Variants in TMCO4 observed in about 807,000 individuals in gnomAD.
TMCO4 encodes transmembrane and coiled-coil domains 4, also known as transmembrane and coiled-coil domain-containing protein 4.
Under a neutral mutation model 64.7 loss-of-function variants are expected in TMCO4, and 58 were observed. That is an observed-to-expected ratio of 0.90 (90% confidence interval 0.73 to 1.12). The LOEUF (loss-of-function observed/expected upper bound fraction) is 1.12. Ranked by LOEUF, TMCO4 falls within the 50% of genes most tolerant of loss-of-function variation. TMCO4 has a pLI of 0.00. For synonymous variants in TMCO4, 325 were observed against 346.1 expected (o/e 0.94, Z 0.68); for missense variants, 780 against 825.9 (o/e 0.94, Z 0.68).
intron 13 of TMCO4, among the ~76,000 whole-genome samples, chr1:19,705,338 C>T (rs2095296744): frequency 6.6e-6 from 1 of 152,024 alleles, no homozygotes; most frequent in African/African-American, 2.4e-5. Flanking sequence ...GTAGTCCCAG[C>T]TACTCGGAAG....
intron 13 of TMCO4, among the ~76,000 whole-genome samples, chr1:19,702,519 C>T (rs555439488): frequency 6.6e-5 from 10 of 152,176 alleles, no homozygotes; most frequent in South Asian, 2.1e-4. Flanking sequence ...TGCTTGAGCC[C>T]GGAGGCAGAG....
intron 14 of TMCO4, among the ~76,000 whole-genome samples, chr1:19,700,454 G>A (rs796884342): frequency 2.2e-4 from 33 of 152,214 alleles, no homozygotes; most frequent in African/African-American, 7.7e-4. Flanking sequence ...TGTTCCACTC[G>A]CCCATGTCCC....
At chr1:19,784,845 T>TAAAAAA (rs34693780) in intron 3 of TMCO4, among the ~76,000 whole-genome samples, 1 of 97,864 alleles carries the variant, frequency 1.0e-5, no homozygotes, top group Non-Finnish European at 1.9e-5. Context: ...GCTGATGCAC[T>TAAAAAA]AAAAAAAAAA....
chr1:19,719,120 G>A (rs1294113710), intron 13 of TMCO4, among the ~76,000 whole-genome samples: 3 of 152,172 alleles, frequency 2.0e-5, no homozygotes, highest in Non-Finnish European at 4.4e-5. Context: ...AATCAGGCAG[G>A]CACCTTATAA....
chr1:19,797,579 G>C (rs2044369862), intron 2 of TMCO4, among the ~76,000 whole-genome samples: 1 of 152,006 alleles, frequency 6.6e-6, no homozygotes, highest in Non-Finnish European at 1.5e-5. Context: ...TTAAGAAAGT[G>C]GGAAGCCAAG....
Position 19,700,744 on chromosome 1 carries a change from C to T in TMCO4, c.1382+24G>A, listed in dbSNP as rs79496233. On this transcript the variant is annotated intron_variant, in intron 14 of 15. Coordinates refer to ENST00000294543, the MANE Select transcript of TMCO4 (RefSeq NM_181719.7). ...TGCTCCGTAAGCATTGTCACTTCCC[C>T]GCTGGCACGAGGTTTGGACAGACCT... 9.9e-3 allele frequency: 15,838 copies of T among 1,595,712 alleles called. 124 individuals are homozygous for T. The highest frequency in any genetic ancestry group is 0.037 in the East Asian group (1,655 of 44,756).
intron 7 of TMCO4, among the ~76,000 whole-genome samples, chr1:19,755,182 G>T (rs868252231): frequency 5.3e-5 from 8 of 152,198 alleles, no homozygotes; most frequent in African/African-American, 1.9e-4. Flanking sequence ...CTGGAGTGCA[G>T]TGGCACAATC....
intron 15 of TMCO4, among the ~76,000 whole-genome samples, chr1:19,688,894 C>T (rs983174680): frequency 6.6e-6 from 1 of 152,212 alleles, no homozygotes; most frequent in Non-Finnish European, 1.5e-5. Context: ...AGAATCTTGC[C>T]GTGGGTTGGA....
At chr1:19,684,958 C>T (rs938874833) in intron 15 of TMCO4, among the ~76,000 whole-genome samples, 4 of 152,188 alleles carry the variant, frequency 2.6e-5, no homozygotes, top group Non-Finnish European at 4.4e-5. Context: ...TCCTTGAAGA[C>T]TGTGGAGTGG....
chr1:19,765,445 ACC>A (rs56132203), intron 6 of TMCO4, among the ~76,000 whole-genome samples: 92,400 of 151,902 alleles, frequency 0.61, 29,544 homozygotes, highest in African/African-American at 0.82. Flanking sequence ...GACATTGGCA[ACC>A]TAGAGGACAT....
intron 6 of TMCO4, among the ~76,000 whole-genome samples, chr1:19,761,865 G>T (rs953000988): frequency 3.3e-5 from 5 of 152,204 alleles, no homozygotes; most frequent in African/African-American, 1.2e-4. Context: ...ATGCCTGGAG[G>T]CAGAGCGTGA....
intron 3 of TMCO4, among the ~76,000 whole-genome samples, 187 bp from the exon 4 acceptor site, chr1:19,780,953 A>AATAT (rs1019316586): frequency 5.3e-5 from 8 of 152,298 alleles, no homozygotes; most frequent in Admixed American, 2.6e-4. Flanking sequence ...AGGGATCTTC[A>AATAT]ATATGTCTAT....
At chr1:19,692,817 G>A (rs1557456132) in intron 15 of TMCO4, among the ~76,000 whole-genome samples, 1 of 151,980 alleles carries the variant, frequency 6.6e-6, no homozygotes, top group Non-Finnish European at 1.5e-5. Context: ...TGTCCACATG[G>A]GAAGCTATTA....
chr1:19,763,646 G>C (rs1570943452), intron 6 of TMCO4, among the ~76,000 whole-genome samples: 1 of 152,180 alleles, frequency 6.6e-6, no homozygotes, highest in East Asian at 1.9e-4. Context: ...ACACCTCACA[G>C]GTCACATTCA....
chr1:19,745,683 G>A (rs2041741890), intron 9 of TMCO4, 32 bp from the exon 10 acceptor site: 2 of 1,578,932 alleles, frequency 1.3e-6, no homozygotes, highest in Non-Finnish European at 1.7e-6. Flanking sequence ...AGAGAATGGA[G>A]GTGACTGGGG....
At chr1:19,770,087 C>T (rs941400045) in intron 6 of TMCO4, among the ~76,000 whole-genome samples, 3 of 152,180 alleles carry the variant, frequency 2.0e-5, no homozygotes, top group African/African-American at 7.2e-5. Flanking sequence ...CTCCTGAGTG[C>T]AGAGGGAGCC....
In TMCO4 at chr1:19,764,716, G is replaced by A. The variant is rs139024290; in HGVS notation, c.382+5826C>T. ...AAAAATACACAAAAATTAGCCAGGC[G>A]TGGTGGCACATGCCTGTAATCCCGG... is the stretch of plus-strand genomic sequence containing the variant. On this transcript the variant is annotated intron_variant, in intron 6 of 15. Coordinates refer to ENST00000294543, the MANE Select transcript of TMCO4 (RefSeq NM_181719.7). 1.5e-3 allele frequency among the ~76,000 whole-genome samples: 224 copies of A among 152,178 alleles called. 6 individuals are homozygous for A. In the East Asian group the frequency reaches 0.039, roughly 26 times the overall value.
chr1:19,717,760 GCTC>G lies in TMCO4; in HGVS notation c.1265-16878_1265-16876del, dbSNP rs944009680. Among the ~76,000 whole-genome samples the G allele has an allele frequency of 3.9e-3, 597 of 152,278 alleles. 2 individuals carry two copies. The highest frequency in any genetic ancestry group is 0.014 in the African/African-American group (561 of 41,546). ...CCCTCCCTGCCTTCTGGAAGGAAAGGCTCCTCCTTTGAACTGCTGCAGCCCTTA... is the reference window on the plus strand; with the variant it reads ...CCCTCCCTGCCTTCTGGAAGGAAAGGCTCCTTTGAACTGCTGCAGCCCTTA... On this transcript the variant is annotated intron_variant, in intron 13 of 15. Coordinates refer to ENST00000294543, the MANE Select transcript of TMCO4 (RefSeq NM_181719.7).
chr1:19,701,113 T>G (rs1265603684), intron 13 of TMCO4: 1 of 460,034 alleles, frequency 2.2e-6, no homozygotes, highest in East Asian at 3.8e-5. Context: ...ATCAAGCCTC[T>G]TATATGTCTA....
Sources: allele counts gnomAD v4.1 joint callset (sites outside exome capture counted in the v4.1 genomes callset), GRCh38; gene constraint gnomAD v4.1.1; transcripts MANE v1.5; gene names NCBI Gene and HGNC (gene_info 2026-07-23, HGNC 2026-07-21).